Variants in KCNH2 observed in about 807,000 individuals in gnomAD.
KCNH2 encodes the protein voltage-gated inwardly rectifying potassium channel KCNH2.
In KCNH2, 35 loss-of-function variants were observed where a neutral mutation model predicts 95.9. That is an observed-to-expected ratio of 0.37 (90% CI 0.28 to 0.48). The LOEUF (loss-of-function observed/expected upper bound fraction) is 0.48. Among genes scored for constraint, KCNH2 ranks in the 20% least tolerant of loss-of-function variants. The pLI, the probability that KCNH2 is intolerant of heterozygous loss-of-function variation, is 0.99. For synonymous variants in KCNH2, 786 were observed against 754.7 expected (o/e 1.04, Z -0.68); for missense variants, 1,274 against 1,702.9 (o/e 0.75, Z 4.43).
intron 2 of KCNH2, among the ~76,000 whole-genome samples, chr7:150,967,495 C>A (rs1801736280): frequency 6.6e-6 from 1 of 152,170 alleles, no homozygotes; most frequent in African/African-American, 2.4e-5. Flanking sequence ...AGACTCATGG[C>A]TATGTGGGAG....
chr7:150,970,378 G>A (rs908604898), intron 2 of KCNH2, among the ~76,000 whole-genome samples: 1 of 151,504 alleles, frequency 6.6e-6, no homozygotes, highest in African/African-American at 2.4e-5. Flanking sequence ...TATTTACATA[G>A]CTCCTCTCCG....
intron 1 of KCNH2, among the ~76,000 whole-genome samples, chr7:150,977,147 G>A (rs1801998842): frequency 6.6e-6 from 1 of 152,094 alleles, no homozygotes; most frequent in South Asian, 2.1e-4. Flanking sequence ...GGAATTAGGT[G>A]ACAGTCTCCA....
intron 4 of KCNH2, 34 bp from the exon 5 acceptor site, chr7:150,957,536 C>A (rs112427307): frequency 9.2e-7 from 1 of 1,086,064 alleles, no homozygotes; most frequent in Non-Finnish European, 1.4e-6. Context: ...AGGCCAGCAG[C>A]CCAGGGCCCC....
At chr7:150,953,217 A>G (rs1053106228) in intron 5 of KCNH2, among the ~76,000 whole-genome samples, 4 of 152,198 alleles carry the variant, frequency 2.6e-5, no homozygotes, top group African/African-American at 9.6e-5. Context: ...CACACGCCAT[A>G]GTCTCAGACC....
chr7:150,962,004 T>A lies in KCNH2; in HGVS notation c.308-2268A>T, dbSNP rs1182377080. On this transcript the variant is annotated intron_variant, in intron 2 of 14. Coordinates refer to ENST00000262186, the MANE Select transcript of KCNH2 (RefSeq NM_000238.4). The surrounding 1 kb of genome is among the most constrained non-coding windows in gnomAD (Gnocchi z 5.7). Reference sequence around the variant, plus strand: ...CTTCCACTCACCACATCCCAGACCCTCACAGCCCCGCCCGAGGGCCCTGAG... The same window carrying A: ...CTTCCACTCACCACATCCCAGACCCACACAGCCCCGCCCGAGGGCCCTGAG... 1.3e-5 allele frequency among the ~76,000 whole-genome samples: 2 copies of A among 152,100 alleles called. No homozygotes were observed. Among genetic ancestry groups the A allele is most frequent in the African/African-American group, 4.8e-5 (2 of 41,406 alleles).
chr7:150,966,487 T>A (rs1167964557), intron 2 of KCNH2, among the ~76,000 whole-genome samples: 1 of 140,404 alleles, frequency 7.1e-6, no homozygotes. Context: ...CATTCGAGCA[T>A]CAAAACATGT....
In KCNH2 at chr7:150,976,585, C is replaced by T. The variant is rs150936524; in HGVS notation, c.76+1253G>A. Among the ~76,000 whole-genome samples, 498 of 152,298 alleles carry T rather than the reference C, an allele frequency of 3.3e-3. 3 individuals carry two copies. The highest frequency in any genetic ancestry group is 0.011 in the African/African-American group (476 of 41,540). Reference sequence around the variant, plus strand: ...TTCGAAGGCATGCCCCACCCCACCACACACCCTTCACTGAGATCCTGGAAT... The same window carrying T: ...TTCGAAGGCATGCCCCACCCCACCATACACCCTTCACTGAGATCCTGGAAT... On this transcript the variant is annotated intron_variant, in intron 1 of 14. Coordinates refer to ENST00000262186, the MANE Select transcript of KCNH2 (RefSeq NM_000238.4).
chr7:150,947,172 G>A (rs1800927645), intron 13 of KCNH2, 118 bp from the exon 14 acceptor site: 34 of 1,120,394 alleles, frequency 3.0e-5, no homozygotes, highest in Admixed American at 1.4e-4. Flanking sequence ...GGCCCTCCGC[G>A]CTAGAGGTGT....
intron 5 of KCNH2, among the ~76,000 whole-genome samples, chr7:150,953,369 G>A (rs190654330): frequency 1.3e-5 from 2 of 152,278 alleles, no homozygotes; most frequent in East Asian, 3.9e-4. Context: ...CAACCAGGAT[G>A]GAGAAAGACC....
rs740952 is a variant in KCNH2, at chr7:150,952,515, G to T, written c.1467C>A (p.Ile489=). ...NEEVVSHPGR[I]AVHYFKGWFL... is the part of the protein sequence containing the mutation. ...ACCAGCCCTTGAAGTAGTGGACGGCGATGCGGCCGGGGTGGCTGACCACCT... is the reference window on the plus strand; with the variant it reads ...ACCAGCCCTTGAAGTAGTGGACGGCTATGCGGCCGGGGTGGCTGACCACCT... The change falls in exon 6 of 15, where the codon ATC becomes ATA. Residue 489 remains isoleucine, a synonymous_variant. Transcript: ENST00000262186. The surrounding 1 kb of genome is among the most constrained non-coding windows in gnomAD (Gnocchi z 7.3). 142 of 1,613,970 alleles carry T rather than the reference G, an allele frequency of 8.8e-5. No individual in the cohort carries two copies. In the African/African-American group the frequency reaches 1.2e-3, roughly 14 times the overall value.
At position 150,945,182 on chromosome 7, in the gene KCNH2, C is replaced by T. The variant is rs1321453841; in HGVS notation, c.*183G>A. 3 of 677,548 alleles carry T rather than the reference C, an allele frequency of 4.4e-6. No homozygotes were observed. Among genetic ancestry groups the T allele is most frequent in the South Asian group, 2.0e-5 (1 of 50,028 alleles). The allele number at this position is 677,548 out of a possible 1,614,324, so 42.0% of individuals were successfully genotyped here. ...CCACCTACTGCCGGCCCTGCCCCTGCCCCTCTCACTGGGGCCCAGGGGACT... is the reference window on the plus strand; with the variant it reads ...CCACCTACTGCCGGCCCTGCCCCTGTCCCTCTCACTGGGGCCCAGGGGACT... On this transcript the variant is annotated 3_prime_UTR_variant, in exon 15 of 15. Transcript: ENST00000262186. This position sits in a 1 kb window ranked among gnomAD's most constrained non-coding sequence, Gnocchi z 5.6.
intron 1 of KCNH2, among the ~76,000 whole-genome samples, chr7:150,977,318 C>T (rs1196932369): frequency 6.6e-6 from 1 of 152,150 alleles, no homozygotes; most frequent in African/African-American, 2.4e-5. Context: ...ACGGGTGACA[C>T]ATGGGCTCAG....
intron 2 of KCNH2, among the ~76,000 whole-genome samples, chr7:150,964,698 C>T (rs779440017): frequency 2.0e-5 from 3 of 152,356 alleles, no homozygotes; most frequent in Non-Finnish European, 4.4e-5. Context: ...TAGTCGCCTC[C>T]CTGCCTCGCT....
intron 5 of KCNH2, among the ~76,000 whole-genome samples, chr7:150,953,144 G>A (rs945631687): frequency 3.3e-5 from 5 of 152,120 alleles, no homozygotes; most frequent in Admixed American, 1.3e-4. Flanking sequence ...GCTCCCCGCC[G>A]GCAATGCAGA....
intron 2 of KCNH2, among the ~76,000 whole-genome samples, chr7:150,963,798 C>A (rs1433303164): frequency 7.9e-5 from 12 of 152,220 alleles, no homozygotes; most frequent in Non-Finnish European, 1.8e-4. Flanking sequence ...GTGAGGCAGG[C>A]AGGCTGGCCA....
chr7:150,973,543 A>C (rs1801892786), intron 2 of KCNH2, among the ~76,000 whole-genome samples: 1 of 152,218 alleles, frequency 6.6e-6, no homozygotes, highest in Admixed American at 6.5e-5. Context: ...GCCTCCTGCC[A>C]GTTAGAACCC....
intron 5 of KCNH2, among the ~76,000 whole-genome samples, chr7:150,955,069 C>T (rs1210767693): frequency 1.3e-5 from 2 of 152,238 alleles, no homozygotes; most frequent in Non-Finnish European, 2.9e-5. Context: ...CCCATGGGCT[C>T]CTTTGTCCCA....
rs751240641 is a variant in KCNH2, at chr7:150,952,881, G to A, written c.1129-28C>T. On this transcript the variant is annotated intron_variant, in intron 5 of 14. Transcript: ENST00000262186. The surrounding 1 kb of genome is among the most constrained non-coding windows in gnomAD (Gnocchi z 7.3). ...GCACCCGGGGAAGGCGGAGGTGTGG[G>A]TGAGGCAGGCCATGGGACCTCGGGG... 1.9e-5 allele frequency: 31 copies of A among 1,608,254 alleles called. No individual in the cohort carries two copies. In the South Asian group the frequency reaches 3.1e-4, roughly 16 times the overall value.
chr7:150,958,429 C>A lies in KCNH2; in HGVS notation c.546G>T (p.Ser182=). 1.4e-6 allele frequency: 2 copies of A among 1,456,748 alleles called. No individual in the cohort carries two copies. The highest frequency in any genetic ancestry group is 1.8e-6 in the Non-Finnish European group (2 of 1,111,820). 90.2% of individuals were successfully genotyped at this position (1,456,748 alleles called of 1,614,324 possible). A position where few individuals can be genotyped will look rare whatever the true frequency, so the allele number is the denominator to read the frequency against. The stretch of plus-strand genomic sequence containing the variant: ...GGGCGCCCGCGCCGCCCGCGCCGCC[C>A]GACCGCACCGACGACTCCCGGGCCG... ...ALTARESSVR[S]GGAGGAGAPG... The change falls in exon 4 of 15, where the codon TCG becomes TCT. Residue 182 remains serine (S), a synonymous_variant. Coordinates refer to ENST00000262186, the MANE Select transcript of KCNH2 (RefSeq NM_000238.4).
Sources: gnomAD v4.1 joint callset for allele counts (sites outside exome capture counted in the v4.1 genomes callset) on GRCh38, gnomAD v4.1.1 for gene constraint, Gnocchi (gnomAD v3.1) non-coding constraint, MANE v1.5 for transcripts, NCBI Gene and HGNC (gene_info 2026-07-23, HGNC 2026-07-21) for gene names.